Variants in FOXK2 observed in about 807,000 individuals in gnomAD.
FOXK2 encodes the protein forkhead box K2.
A neutral mutation model predicts 53.3 loss-of-function variants in FOXK2; 24 were observed. The ratio of observed to expected loss-of-function variants is 0.45; its 90% CI spans 0.33 to 0.63. The LOEUF (loss-of-function observed/expected upper bound fraction) is 0.63, where lower values mean the gene tolerates loss of function less well. FOXK2 is among the 30% of genes least tolerant of loss of function. The pLI is 0.03. For missense variants in FOXK2, 952 were observed against 910.5 expected, an observed-to-expected ratio of 1.05 and a Z score of -0.59; for synonymous variants, 505 against 407.1, an observed-to-expected ratio of 1.24 and a Z score of -2.89.
At chr17:82,596,551 G>GACCGCGCACACGTGGGGA (rs1555644205) in intron 8 of FOXK2, among the ~76,000 whole-genome samples, 10 of 14,890 alleles carry the variant, frequency 6.7e-4, no homozygotes, top group South Asian at 3.4e-3. Flanking sequence ...CTTTCTGCGG[G>GACCGCGCACACGTGGGGA]CAGTCTGTGT....
intron 1 of FOXK2, among the ~76,000 whole-genome samples, chr17:82,548,584 CCT>C (rs1396524595): frequency 1.3e-5 from 2 of 152,002 alleles, no homozygotes; most frequent in African/African-American, 4.8e-5. Flanking sequence ...CATCCTTTGC[CCT>C]GTTTGTTGAT....
Position 82,547,415 on chromosome 17 carries a change from T to C in FOXK2, c.420-15939T>C, listed in dbSNP as rs560868605. ...TTTTAAGAAAGTTTATGAATTTGTA[T>C]TGGGCCACATTCAAAGCCATCCTGG... On this transcript the variant is annotated intron_variant, in intron 1 of 8. Coordinates refer to ENST00000335255, the MANE Select transcript of FOXK2 (RefSeq NM_004514.4). Among the ~76,000 whole-genome samples, 11 of 152,294 alleles carry C rather than the reference T, an allele frequency of 7.2e-5. No individual in the cohort carries two copies. In the South Asian group the frequency reaches 2.3e-3, roughly 32 times the overall value.
At chr17:82,523,663 G>C (rs1006853065) in intron 1 of FOXK2, among the ~76,000 whole-genome samples, 1 of 151,908 alleles carries the variant, frequency 6.6e-6, no homozygotes, top group African/African-American at 2.4e-5. Flanking sequence ...TTTTAGTAGA[G>C]ACAGGGTTAA....
chr17:82,547,945 TG>T (rs1490975126), intron 1 of FOXK2, among the ~76,000 whole-genome samples: 2 of 152,234 alleles, frequency 1.3e-5, no homozygotes, highest in Admixed American at 6.5e-5. Flanking sequence ...GTTACTTGTG[TG>T]GGCAGTTTTC....
intron 2 of FOXK2, among the ~76,000 whole-genome samples, chr17:82,565,721 C>T (rs926191403): frequency 2.0e-5 from 3 of 152,144 alleles, no homozygotes; most frequent in Non-Finnish European, 4.4e-5. Context: ...AATGCCAAAC[C>T]GTGCAGCTGC....
intron 5 of FOXK2, 86 bp from the exon 6 acceptor site, chr17:82,583,927 C>A (rs2045099072): frequency 7.1e-7 from 1 of 1,404,406 alleles, no homozygotes; most frequent in Admixed American, 2.2e-5. Flanking sequence ...ATGACACCCC[C>A]TTTGCAAAGT....
chr17:82,561,454 C>T (rs900440588), intron 1 of FOXK2, among the ~76,000 whole-genome samples: 1 of 151,934 alleles, frequency 6.6e-6, no homozygotes, highest in African/African-American at 2.4e-5. Context: ...GAGCATTGAA[C>T]CTTGAACATC....
chr17:82,561,244 G>C (rs2044789823), intron 1 of FOXK2, among the ~76,000 whole-genome samples: 1 of 152,176 alleles, frequency 6.6e-6, no homozygotes, highest in South Asian at 2.1e-4. Flanking sequence ...CTGCTGAGGG[G>C]AGTCCTGGGA....
Position 82,520,146 on chromosome 17 carries a change from G to C in FOXK2, c.258G>C (p.Pro86=), listed in dbSNP as rs2044345020. The C allele has an allele frequency of 2.6e-6, 4 of 1,521,974 alleles. No homozygotes were observed. Among genetic ancestry groups the C allele is most frequent in the Non-Finnish European group, 3.5e-6 (4 of 1,134,542 alleles). 94.3% of individuals were successfully genotyped at this position (1,521,974 alleles called of 1,614,324 possible). The change falls in exon 1 of 9, where the codon CCG becomes CCC. Residue 86 remains proline (P), a synonymous_variant. Transcript: ENST00000335255. Reference sequence around the variant, plus strand: ...GCCACCTCGAGATCTTCACGCCCCCGGGCGGCGGCGGCCATGGCGGGGCCG... The same window carrying C: ...GCCACCTCGAGATCTTCACGCCCCCCGGCGGCGGCGGCCATGGCGGGGCCG... ...SRRHLEIFTP[P]GGGGHGGAAP...
chr17:82,544,299 T>C (rs1311237161), intron 1 of FOXK2, among the ~76,000 whole-genome samples: 1 of 152,244 alleles, frequency 6.6e-6, no homozygotes, highest in Admixed American at 6.5e-5. Context: ...AAAATACTTA[T>C]TGATCATCTT....
intron 4 of FOXK2, among the ~76,000 whole-genome samples, chr17:82,572,520 G>T (rs939295980): frequency 2.7e-4 from 40 of 147,550 alleles, no homozygotes; most frequent in African/African-American, 9.3e-4. Flanking sequence ...TCAGAGTCTC[G>T]CTCTGTTATG....
intron 1 of FOXK2, among the ~76,000 whole-genome samples, chr17:82,560,521 G>T (rs917345838): frequency 9.2e-5 from 14 of 152,220 alleles, no homozygotes; most frequent in Non-Finnish European, 1.9e-4. Flanking sequence ...GCGCTGTGGT[G>T]CAGCTGGAAG....
intron 8 of FOXK2, among the ~76,000 whole-genome samples, chr17:82,595,347 A>G (rs962937801): frequency 1.3e-5 from 2 of 152,120 alleles, no homozygotes; most frequent in African/African-American, 4.8e-5. Context: ...TGTCACTCAG[A>G]CTGGAGTGCA....
chr17:82,600,480 C>T (rs192587838), intron 8 of FOXK2: 1 of 152,394 alleles, frequency 6.6e-6, no homozygotes, highest in East Asian at 1.9e-4. Flanking sequence ...ATGAGGCCCA[C>T]CCACTCATGG....
In FOXK2 at chr17:82,522,335, C is replaced by G. The variant is rs574955729; in HGVS notation, c.419+2028C>G. Among the ~76,000 whole-genome samples, 61 of 151,728 alleles carry G rather than the reference C, an allele frequency of 4.0e-4. No individual in the cohort carries two copies. In the East Asian group the frequency reaches 8.1e-3, roughly 20 times the overall value. ...TGAGCTATGATCTCACCACTCCTCC[C>G]ACATACCTGGCCAAGATTTTGAGTT... is the stretch of plus-strand genomic sequence containing the variant. On this transcript the variant is annotated intron_variant, in intron 1 of 8. Coordinates refer to ENST00000335255, the MANE Select transcript of FOXK2 (RefSeq NM_004514.4).
chr17:82,566,184 T>C (rs975395812), intron 2 of FOXK2, among the ~76,000 whole-genome samples: 3 of 152,026 alleles, frequency 2.0e-5, no homozygotes, highest in African/African-American at 7.3e-5. Context: ...TTCATGCTGC[T>C]GAAGTGTGCA....
At chr17:82,534,712 A>G (rs1175416581) in intron 1 of FOXK2, among the ~76,000 whole-genome samples, 1 of 152,034 alleles carries the variant, frequency 6.6e-6, no homozygotes, top group African/African-American at 2.4e-5. Context: ...CTCAGCACTC[A>G]CTCCTGTTCC....
In FOXK2 at chr17:82,585,745, T is replaced by G. The variant is rs1598229874; in HGVS notation, c.1280-159T>G. 3.3e-5 allele frequency among the ~76,000 whole-genome samples: 5 copies of G among 152,348 alleles called. 1 individual carries two copies. The highest frequency in any genetic ancestry group is 3.4e-3 in the Middle Eastern group (1 of 294). ...AATACCCCTTTTAAAATACTACACC[T>G]CCCTCATTATTAGTAACTTTACTAT... On this transcript the variant is annotated intron_variant, in intron 6 of 8. Transcript: ENST00000335255.
intron 8 of FOXK2, chr17:82,595,878 C>T (rs1197325338): frequency 7.8e-7 from 1 of 1,286,318 alleles, no homozygotes. Flanking sequence ...GCAGGTGCTT[C>T]TGGAGACAAG....
Sources: gnomAD v4.1 joint callset for allele counts (sites outside exome capture counted in the v4.1 genomes callset) on GRCh38, gnomAD v4.1.1 for gene constraint, MANE v1.5 for transcripts, NCBI Gene and HGNC (gene_info 2026-07-23, HGNC 2026-07-21) for gene names.